MCTP2: variants seen among roughly 807,000 people sequenced by gnomAD.
MCTP2 encodes multiple C2 and transmembrane domain containing 2.
In MCTP2, 132 loss-of-function variants were observed where a neutral mutation model predicts 111.6. That is an observed-to-expected ratio of 1.18 (90% CI 1.03 to 1.37). MCTP2 has a LOEUF of 1.37. Ranked by LOEUF, MCTP2 falls within the 40% of genes most tolerant of loss-of-function variation. The probability of loss-of-function intolerance (pLI) is 0.00; values close to 1 mark genes in which losing one functional copy is unlikely to be tolerated. For synonymous variants in MCTP2, 395 were observed against 387.7 expected, an observed-to-expected ratio of 1.02 and a Z score of -0.22; for missense variants, 1,183 against 1,067.9, an observed-to-expected ratio of 1.11 and a Z score of -1.50.
chr15:94,412,840 C>A (rs530462233), intron 17 of MCTP2, among the ~76,000 whole-genome samples: 1 of 151,566 alleles, frequency 6.6e-6, no homozygotes, highest in Non-Finnish European at 1.5e-5. Context: ...CTTTTATAGG[C>A]TAATTCATTA....
chr15:94,482,475 T>C lies in MCTP2; in HGVS notation c.*3441T>C, dbSNP rs926668983. ...CTCTCAGTCCCTAGGTCTCCAGGTC[T>C]AGGAAGATGGTGTTACCTTTCACTA... On this transcript the variant is annotated 3_prime_UTR_variant, in exon 23 of 23. Coordinates refer to ENST00000357742, the MANE Select transcript of MCTP2 (RefSeq NM_001385001.1). 2 of 152,192 alleles carry C rather than the reference T, an allele frequency of 1.3e-5. No individual in the cohort carries two copies. The highest frequency in any genetic ancestry group is 2.1e-4 in the South Asian group (1 of 4,824). The allele number at this position is 152,192 out of a possible 1,614,324, so 9.4% of individuals were successfully genotyped here.
At chr15:94,461,686 G>A (rs1200329945) in intron 20 of MCTP2, among the ~76,000 whole-genome samples, 5 of 152,260 alleles carry the variant, frequency 3.3e-5, no homozygotes, top group African/African-American at 7.2e-5. Flanking sequence ...AAGCTTAGAA[G>A]CCACCTTCAT....
At chr15:94,469,078 T>A (rs988865026) in intron 20 of MCTP2, among the ~76,000 whole-genome samples, 1 of 152,232 alleles carries the variant, frequency 6.6e-6, no homozygotes, top group Non-Finnish European at 1.5e-5. Context: ...ATTCTAAATA[T>A]GTGAACAATG....
At chr15:94,258,857 C>G (rs8030974) in intron 1 of MCTP2, among the ~76,000 whole-genome samples, 60,665 of 152,032 alleles carry the variant, frequency 0.4, 12,392 homozygotes, top group Middle Eastern at 0.52. Flanking sequence ...TGCTCTAGAA[C>G]TGTTCTCTGC....
rs1023688906 is a variant in MCTP2 at position 94,320,440 on chromosome 15, C to A, written c.637+4803C>A. On this transcript the variant is annotated intron_variant, in intron 4 of 22. Transcript: ENST00000357742. ...ACAGCTGTGAGCCACTGCGCCTGGC[C>A]CTAGTTTATTAATCTTTGTATGCCC... Among the ~76,000 whole-genome samples, 5 of 152,206 alleles carry A rather than the reference C, an allele frequency of 3.3e-5. No individual in the cohort carries two copies. In the East Asian group the frequency reaches 9.6e-4, roughly 29 times the overall value.
intron 1 of MCTP2, among the ~76,000 whole-genome samples, chr15:94,243,788 T>C (rs1331449869): frequency 7.4e-5 from 11 of 148,336 alleles, no homozygotes; most frequent in Admixed American, 3.4e-4. Flanking sequence ...CATATATATG[T>C]ATATACACAT....
chr15:94,391,237 G>A (rs971526589), intron 14 of MCTP2, among the ~76,000 whole-genome samples: 3 of 152,032 alleles, frequency 2.0e-5, no homozygotes, highest in Non-Finnish European at 2.9e-5. Context: ...ATAATGGCTT[G>A]TACCAAATAA....
chr15:94,311,511 T>G (rs552801152), intron 2 of MCTP2, among the ~76,000 whole-genome samples: 5 of 152,266 alleles, frequency 3.3e-5, no homozygotes, highest in Admixed American at 1.3e-4. Flanking sequence ...TGCAAGAGTG[T>G]GGGGGAATAT....
In MCTP2 at chr15:94,339,346, A is replaced by G; in HGVS notation, c.694A>G (p.Lys232Glu). Residue 232 changes from lysine (K) to glutamate (E), a missense_variant, in exon 5 of 23, where the codon AAA becomes GAA. Lys to Glu is a moderately conservative substitution (Grantham distance 56). Coordinates refer to ENST00000357742, the MANE Select transcript of MCTP2 (RefSeq NM_001385001.1). Reference protein sequence around the residue: ...KLNGKTLYKSKVIYKNLNPVW... With the variant: ...KLNGKTLYKSEVIYKNLNPVW... Reference sequence around the variant, plus strand: ...GAATGGGAAGACGCTGTACAAAAGTAAAGTCATATATAAGAACTTGAACCC... The same window carrying G: ...GAATGGGAAGACGCTGTACAAAAGTGAAGTCATATATAAGAACTTGAACCC... The G allele has an allele frequency of 6.2e-7, 1 of 1,611,906 alleles. No individual in the cohort carries two copies. Among genetic ancestry groups the G allele is most frequent in the Non-Finnish European group, 8.5e-7 (1 of 1,178,492 alleles).
chr15:94,243,903 A>T (rs1275737714), intron 1 of MCTP2, among the ~76,000 whole-genome samples: 1 of 139,548 alleles, frequency 7.2e-6, no homozygotes, highest in Non-Finnish European at 1.6e-5. Flanking sequence ...ATGTATACAC[A>T]TACATATGTG....
At chr15:94,456,174 T>C (rs1375140259) in intron 19 of MCTP2, among the ~76,000 whole-genome samples, 3 of 152,208 alleles carry the variant, frequency 2.0e-5, no homozygotes, top group Non-Finnish European at 4.4e-5. Context: ...ACTCAAGATA[T>C]AGTAAGACTC....
chr15:94,257,959 A>G (rs1389366666), intron 1 of MCTP2, among the ~76,000 whole-genome samples: 4 of 150,178 alleles, frequency 2.7e-5, no homozygotes, highest in Non-Finnish European at 4.4e-5. Flanking sequence ...CTCAGGGCTC[A>G]CTGCAACCTC....
chr15:94,285,960 G>A (rs1596270660), intron 1 of MCTP2, among the ~76,000 whole-genome samples: 1 of 152,128 alleles, frequency 6.6e-6, no homozygotes, highest in East Asian at 1.9e-4. Context: ...TTCTGTCCAC[G>A]TGGTATAATT....
At chr15:94,477,400 T>C (rs1460300331) in intron 22 of MCTP2, among the ~76,000 whole-genome samples, 3 of 152,134 alleles carry the variant, frequency 2.0e-5, no homozygotes, top group Non-Finnish European at 4.4e-5. Context: ...CCTGTTTCTG[T>C]GGATACACAG....
At chr15:94,444,802 G>C (rs894595837) in intron 19 of MCTP2, among the ~76,000 whole-genome samples, 3 of 152,096 alleles carry the variant, frequency 2.0e-5, no homozygotes, top group Non-Finnish European at 2.9e-5. Context: ...TATAAACCAA[G>C]GCCTGGATGA....
At chr15:94,291,369 G>A (rs1056084142) in intron 1 of MCTP2, among the ~76,000 whole-genome samples, 3 of 152,300 alleles carry the variant, frequency 2.0e-5, no homozygotes, top group East Asian at 1.9e-4. Context: ...TTGGGAGGCC[G>A]AGGTGGGTGG....
intron 19 of MCTP2, among the ~76,000 whole-genome samples, chr15:94,457,379 T>C (rs1427073317): frequency 2.6e-5 from 4 of 152,248 alleles, no homozygotes; most frequent in Non-Finnish European, 4.4e-5. Context: ...TAAGGTTTTC[T>C]ATAAGCAAAG....
At position 94,430,577 on chromosome 15, in the gene MCTP2, C is replaced by CAAAA. The variant is rs11289166; in HGVS notation, c.2086-9581_2086-9578dup. 6.0e-4 allele frequency among the ~76,000 whole-genome samples: 58 copies of CAAAA among 96,658 alleles called. 1 individual carries two copies. Among genetic ancestry groups the CAAAA allele is most frequent in the African/African-American group, 2.4e-3 (58 of 24,066 alleles). The allele number at this position is 96,658 out of a possible 152,430, so 63.4% of individuals were successfully genotyped here. On this transcript the variant is annotated intron_variant, in intron 17 of 22. Coordinates refer to ENST00000357742, the MANE Select transcript of MCTP2 (RefSeq NM_001385001.1). Reference sequence around the variant, plus strand: ...TGAAACCCCTTCTCTACTAAAAATACAAAAAAAAAAAAAAAAAAAAATTAG... The same window carrying CAAAA: ...TGAAACCCCTTCTCTACTAAAAATACAAAAAAAAAAAAAAAAAAAAAAAAATTAG...
intron 19 of MCTP2, among the ~76,000 whole-genome samples, chr15:94,449,975 T>C (rs1197064411): frequency 6.6e-6 from 1 of 152,138 alleles, no homozygotes; most frequent in Non-Finnish European, 1.5e-5. Flanking sequence ...AGGGTCTAGG[T>C]TCCAAATATT....
Sources: gnomAD v4.1 joint callset for allele counts (sites outside exome capture counted in the v4.1 genomes callset) on GRCh38, gnomAD v4.1.1 for gene constraint, MANE v1.5 for transcripts, NCBI Gene and HGNC (gene_info 2026-07-23, HGNC 2026-07-21) for gene names.